SOX5: variants seen among roughly 807,000 people sequenced by gnomAD.
SOX5 encodes the protein transcription factor SOX-5.
A neutral mutation model predicts 92.0 loss-of-function variants in SOX5; 9 were observed. That is an observed-to-expected ratio of 0.10 (90% CI 0.06 to 0.17). SOX5 has a LOEUF of 0.17. Ranked by LOEUF, SOX5 falls within the 10% of genes least tolerant of loss-of-function variation. The probability of loss-of-function intolerance (pLI) is 1.00; values close to 1 mark genes in which losing one functional copy is unlikely to be tolerated. For missense variants in SOX5, 642 were observed against 944.5 expected (o/e 0.68, Z 4.20); for synonymous variants, 344 against 336.3 (o/e 1.02, Z -0.25).
intron 2 of SOX5, among the ~76,000 whole-genome samples, chr12:24,327,060 T>C (rs1440618034): frequency 6.6e-6 from 1 of 152,150 alleles, no homozygotes. Context: ...CACAATGGCA[T>C]AGCATTTGGG....
At chr12:24,151,512 T>C (rs1951648483) in intron 4 of SOX5, among the ~76,000 whole-genome samples, 1 of 152,194 alleles carries the variant, frequency 6.6e-6, no homozygotes, top group Admixed American at 6.6e-5. Flanking sequence ...GATACATTTG[T>C]TGAAACTTTA....
At chr12:23,906,494 C>A (rs1012908168) in intron 1 of SOX5, among the ~76,000 whole-genome samples, 14 of 152,164 alleles carry the variant, frequency 9.2e-5, no homozygotes, top group African/African-American at 3.4e-4. Context: ...CTTTCCATAA[C>A]CAGGCGTGAC....
intron 1 of SOX5, among the ~76,000 whole-genome samples, chr12:23,926,520 C>G (rs1939983814): frequency 6.6e-6 from 1 of 151,288 alleles, no homozygotes. Flanking sequence ...TATTCAAAAT[C>G]CTATGCTTTA....
At chr12:24,470,463 T>C (rs1566245759) in intron 1 of SOX5, among the ~76,000 whole-genome samples, 1 of 145,708 alleles carries the variant, frequency 6.9e-6, no homozygotes, top group Non-Finnish European at 1.5e-5. Flanking sequence ...AGATAAGTGA[T>C]AAAGATCACG....
chr12:23,952,135 C>T (rs1945737156), upstream of SOX5, among the ~76,000 whole-genome samples: 1 of 151,670 alleles, frequency 6.6e-6, no homozygotes, highest in South Asian at 2.1e-4. Context: ...TATCTTATAT[C>T]AATAGAGAAA....
At chr12:24,236,053 G>C (rs532627469) in intron 3 of SOX5, among the ~76,000 whole-genome samples, 4 of 151,962 alleles carry the variant, frequency 2.6e-5, no homozygotes, top group Non-Finnish European at 4.4e-5. Flanking sequence ...TTAGCCGGGC[G>C]TGGTGGCGGG....
At chr12:23,647,892 T>C (rs1244911795) in intron 7 of SOX5, among the ~76,000 whole-genome samples, 1 of 152,238 alleles carries the variant, frequency 6.6e-6, no homozygotes, top group Non-Finnish European at 1.5e-5. Flanking sequence ...TTCACTTTCT[T>C]ATTATTTGTG....
At chr12:23,917,589 C>G (rs1206536643) in intron 1 of SOX5, among the ~76,000 whole-genome samples, 3 of 151,878 alleles carry the variant, frequency 2.0e-5, no homozygotes, top group South Asian at 4.2e-4. Flanking sequence ...TAAAAAGAAC[C>G]CTTTAGCAGT....
intron 3 of SOX5, among the ~76,000 whole-genome samples, chr12:23,829,782 A>T (rs2096285944): frequency 6.6e-6 from 1 of 152,202 alleles, no homozygotes; most frequent in Admixed American, 6.5e-5. Flanking sequence ...TCAAATAGCC[A>T]AATAAGAAAA....
intron 4 of SOX5, among the ~76,000 whole-genome samples, chr12:24,058,104 G>C (rs927841715): frequency 4.6e-5 from 7 of 152,210 alleles, no homozygotes; most frequent in African/African-American, 1.7e-4. Flanking sequence ...GATCCCCTGA[G>C]GCAGTTTCTG....
intron 4 of SOX5, among the ~76,000 whole-genome samples, chr12:24,079,194 A>T (rs561509672): frequency 3.0e-4 from 35 of 117,514 alleles, no homozygotes; most frequent in South Asian, 2.4e-3. Context: ...CAATAAAATT[A>T]AAAAAAAAAA....
At chr12:23,625,512 C>T (rs1362550955) in intron 8 of SOX5, among the ~76,000 whole-genome samples, 3 of 152,202 alleles carry the variant, frequency 2.0e-5, no homozygotes, top group Admixed American at 1.3e-4. Context: ...TTGATATCCA[C>T]CATCCTTGCC....
intron 4 of SOX5, among the ~76,000 whole-genome samples, chr12:23,979,936 G>T (rs1295903357): frequency 7.7e-6 from 1 of 129,694 alleles, no homozygotes; most frequent in Non-Finnish European, 1.7e-5. Context: ...CAGACAGACA[G>T]ATAGATAGAT....
intron 2 of SOX5, among the ~76,000 whole-genome samples, chr12:24,363,880 G>C (rs1955869227): frequency 6.6e-6 from 1 of 152,182 alleles, no homozygotes; most frequent in Admixed American, 6.5e-5. Flanking sequence ...TGTGGCAAGA[G>C]CCCAAATCTG....
chr12:23,669,565 C>G (rs374939235), intron 6 of SOX5, among the ~76,000 whole-genome samples: 1 of 151,060 alleles, frequency 6.6e-6, no homozygotes, highest in Non-Finnish European at 1.5e-5. Context: ...CTGGAGAGAC[C>G]CAGCGTAGAG....
chr12:23,853,206 C>T (rs775380553), intron 2 of SOX5, among the ~76,000 whole-genome samples: 14 of 150,588 alleles, frequency 9.3e-5, no homozygotes, highest in Non-Finnish European at 1.3e-4. Flanking sequence ...TGTTGAAACA[C>T]GCTTATGTTT....
At chr12:23,881,298 T>C (rs1350068329) in intron 2 of SOX5, among the ~76,000 whole-genome samples, 1 of 152,310 alleles carries the variant, frequency 6.6e-6, no homozygotes, top group Non-Finnish European at 1.5e-5. Flanking sequence ...AATTCTCACA[T>C]GTAAATCTCT....
chr12:24,381,834 C>T (rs1957858217), intron 1 of SOX5, among the ~76,000 whole-genome samples: 1 of 152,144 alleles, frequency 6.6e-6, no homozygotes, highest in African/African-American at 2.4e-5. Context: ...AGAAAAACTT[C>T]AGGGAGAGTA....
intron 3 of SOX5, among the ~76,000 whole-genome samples, chr12:24,250,698 G>A (rs1420499760): frequency 6.6e-6 from 1 of 152,044 alleles, no homozygotes; most frequent in Non-Finnish European, 1.5e-5. Context: ...AGTAATTTAT[G>A]GTGTCAACTC....
Sources: allele counts gnomAD v4.1 joint callset (sites outside exome capture counted in the v4.1 genomes callset), GRCh38; gene constraint gnomAD v4.1.1; transcripts MANE v1.5; gene names NCBI Gene and HGNC (gene_info 2026-07-23, HGNC 2026-07-21).